The following KCNH4 variants were observed in gnomAD, a reference collection of about 807,000 sequenced individuals.
KCNH4 encodes the protein potassium voltage-gated channel subfamily H member 4.
A neutral mutation model predicts 90.7 loss-of-function variants in KCNH4; 33 were observed. The observed-to-expected ratio is 0.36, with a 90% CI of 0.28 to 0.49. The LOEUF (loss-of-function observed/expected upper bound fraction) is 0.49. Ranked by LOEUF, KCNH4 falls within the 20% of genes least tolerant of loss-of-function variation. The pLI, the probability that KCNH4 is intolerant of heterozygous loss-of-function variation, is 0.98. For synonymous variants in KCNH4, 551 were observed against 581.7 expected, an observed-to-expected ratio of 0.95 and a Z score of 0.76; for missense variants, 1,044 against 1,387.1, an observed-to-expected ratio of 0.75 and a Z score of 3.93.
intron 15 of KCNH4, among the ~76,000 whole-genome samples, chr17:42,161,876 G>T (rs966481181): frequency 2.0e-5 from 3 of 151,954 alleles, no homozygotes; most frequent in African/African-American, 4.8e-5. Flanking sequence ...AGCGGTTGTG[G>T]GACTTGCCCA....
At chr17:42,164,297 C>T (rs552229181) in intron 11 of KCNH4, 129 bp from the exon 12 acceptor site, 2 of 790,798 alleles carry the variant, frequency 2.5e-6, no homozygotes, top group East Asian at 5.9e-5. Flanking sequence ...GAGTCAGAAA[C>T]TATAACCCTA....
Position 42,169,679 on chromosome 17 carries a change from G to A in KCNH4, c.1391-3C>T, listed in dbSNP as rs1352573272. 12 of 1,608,752 alleles carry A rather than the reference G, an allele frequency of 7.5e-6. No individual in the cohort carries two copies. The highest frequency in any genetic ancestry group is 1.0e-5 in the Non-Finnish European group (12 of 1,176,816). On this transcript the variant is annotated splice_polypyrimidine_tract_variant and splice_region_variant and intron_variant, in intron 8 of 16. Transcript: ENST00000264661. The stretch of plus-strand genomic sequence containing the variant: ...GAACACCACAGCGTGCATCAGGGCT[G>A]CAGCAGCAGCAGCGGGCCTGTCAGG...
rs753430546 is a variant in KCNH4, at chr17:42,172,010, C to T, written c.988-15G>A. 5.1e-6 allele frequency: 8 copies of T among 1,569,536 alleles called. No individual in the cohort carries two copies. Among genetic ancestry groups the T allele is most frequent in the African/African-American group, 1.4e-5 (1 of 73,550 alleles). ...ACCAGCGAGGTCTGCAGGAAGGTGG[C>T]GGGGGAGGCTGTCAGCAGGCACACC... On this transcript the variant is annotated splice_polypyrimidine_tract_variant and intron_variant, in intron 6 of 16. Coordinates refer to ENST00000264661, the MANE Select transcript of KCNH4 (RefSeq NM_012285.3).
At chr17:42,170,607 A>T (rs2079820714) in intron 7 of KCNH4, among the ~76,000 whole-genome samples, 1 of 152,232 alleles carries the variant, frequency 6.6e-6, no homozygotes, top group Non-Finnish European at 1.5e-5. Context: ...CCCTGGTGGA[A>T]CCTATAGCCT....
Position 42,163,490 on chromosome 17 carries a change from TG to T in KCNH4, c.2477+115del. On this transcript the variant is annotated intron_variant, in intron 13 of 16. Transcript: ENST00000264661. The surrounding 1 kb of genome is among the most constrained non-coding windows in gnomAD (Gnocchi z 5.4). ...GCAAGCTGTGGTTGGAAGGGTGCGG[TG>T]GGCACACGGGCAGAGACGGAATGTA... 1 of 745,648 alleles carries T rather than the reference TG, an allele frequency of 1.3e-6. No individual in the cohort carries two copies. The highest frequency in any genetic ancestry group is 2.2e-6 in the Non-Finnish European group (1 of 446,814). The allele number at this position is 745,648 out of a possible 1,614,324, so 46.2% of individuals were successfully genotyped here.
At chr17:42,166,194 G>T in intron 10 of KCNH4, 103 bp downstream of exon 10, 2 of 1,402,190 alleles carry the variant, frequency 1.4e-6, no homozygotes, top group Non-Finnish European at 1.9e-6. Flanking sequence ...AGGTATCCAC[G>T]AGGGGTATCC....
chr17:42,179,916 G>T (rs1372663502), intron 1 of KCNH4, among the ~76,000 whole-genome samples: 2 of 152,250 alleles, frequency 1.3e-5, no homozygotes, highest in Non-Finnish European at 1.5e-5. Context: ...CAGGGACAGA[G>T]ACTCAGCTAA....
At chr17:42,176,550 G>A (rs1248316133) in intron 4 of KCNH4, among the ~76,000 whole-genome samples, 1 of 118,528 alleles carries the variant, frequency 8.4e-6, no homozygotes, top group Non-Finnish European at 1.6e-5. Flanking sequence ...TTGAGATAGG[G>A]TCTTGCTCTT....
intron 4 of KCNH4, among the ~76,000 whole-genome samples, chr17:42,177,324 C>T (rs1164225693): frequency 6.6e-6 from 1 of 152,042 alleles, no homozygotes; most frequent in Non-Finnish European, 1.5e-5. Context: ...GCTGGGATTA[C>T]AGGCATCAGC....
chr17:42,161,005 C>T (rs1431747615), intron 15 of KCNH4, among the ~76,000 whole-genome samples: 1 of 133,840 alleles, frequency 7.5e-6, no homozygotes, highest in Non-Finnish European at 1.5e-5. Context: ...CAGCTCACTG[C>T]AAGCTCCGCC....
At position 42,171,942 on chromosome 17, in the gene KCNH4, C is replaced by T; in HGVS notation, c.1041G>A (p.Leu347=). The change falls in exon 7 of 17, where the codon CTG becomes CTA. Residue 347 remains leucine (L), a synonymous_variant. Transcript: ENST00000264661. The part of the protein sequence containing the change: ...KTVRLLRLLR[L]LQKLERYSQC... ...GAGAGTACCGCTCCAGCTTCTGCAG[C>T]AGCCGCAGCAGCCGCAACAGCCGCA... The T allele has an allele frequency of 6.3e-7, 1 of 1,594,052 alleles. No individual in the cohort carries two copies. The highest frequency in any genetic ancestry group is 8.5e-7 in the Non-Finnish European group (1 of 1,172,146).
At chr17:42,168,620 G>T (rs1038843106) in intron 9 of KCNH4, among the ~76,000 whole-genome samples, 15 of 151,914 alleles carry the variant, frequency 9.9e-5, no homozygotes, top group African/African-American at 3.6e-4. Flanking sequence ...CTCCAGCGTG[G>T]GCGACAGAGC....
At chr17:42,161,220 G>A (rs184095898) in intron 15 of KCNH4, among the ~76,000 whole-genome samples, 3 of 152,166 alleles carry the variant, frequency 2.0e-5, no homozygotes, top group African/African-American at 2.4e-5. Context: ...GAGCCACCGC[G>A]CCCGGCCTAT....
At chr17:42,164,433 A>G (rs961635738) in intron 11 of KCNH4, among the ~76,000 whole-genome samples, 12 of 152,204 alleles carry the variant, frequency 7.9e-5, no homozygotes, top group Admixed American at 4.6e-4. Flanking sequence ...TTGGTGAGAG[A>G]AGAGGAACCC....
chr17:42,164,065 G>A (rs954156170), intron 12 of KCNH4, 65 bp downstream of exon 12: 1 of 1,528,324 alleles, frequency 6.5e-7, no homozygotes, highest in African/African-American at 1.4e-5. Context: ...TGGAAAGGGG[G>A]ATGCTGCTAC....
At chr17:42,176,855 C>T (rs2079865729) in intron 4 of KCNH4, among the ~76,000 whole-genome samples, 1 of 151,840 alleles carries the variant, frequency 6.6e-6, no homozygotes, top group South Asian at 2.1e-4. Flanking sequence ...CATGTCTTGT[C>T]AAGGGTATTT....
At chr17:42,173,754 G>T (rs1480965560) in intron 6 of KCNH4, among the ~76,000 whole-genome samples, 1 of 128,694 alleles carries the variant, frequency 7.8e-6, no homozygotes, top group Non-Finnish European at 1.6e-5. Context: ...AGGCTGGAGT[G>T]CAGTGGCGCA....
rs1163471288 is a variant in KCNH4 at position 42,165,438 on chromosome 17, G to T, written c.2085+11C>A. The T allele has an allele frequency of 6.2e-7, 1 of 1,613,976 alleles. No homozygotes were observed. The highest frequency in any genetic ancestry group is 1.7e-5 in the Admixed American group (1 of 60,010). On this transcript the variant is annotated intron_variant, in intron 11 of 16. Transcript: ENST00000264661. ...CTCTGGAAGGATGGCGGTCATCAGG[G>T]GTGTACATACACTGGTGTCAGAGCC...
intron 9 of KCNH4, among the ~76,000 whole-genome samples, chr17:42,168,515 G>A (rs180806509): frequency 6.6e-6 from 1 of 152,104 alleles, no homozygotes; most frequent in East Asian, 1.9e-4. Context: ...ATGGTGGCAG[G>A]TGCCTGTGAT....
Sources: allele counts gnomAD v4.1 joint callset (sites outside exome capture counted in the v4.1 genomes callset), GRCh38; gene constraint gnomAD v4.1.1; non-coding constraint Gnocchi (gnomAD v3.1); transcripts MANE v1.5; gene names NCBI Gene and HGNC (gene_info 2026-07-23, HGNC 2026-07-21).